The following PLCE1 variants were observed in gnomAD, a reference collection of about 807,000 sequenced individuals.
PLCE1 encodes 1-phosphatidylinositol 4,5-bisphosphate phosphodiesterase epsilon-1.
Under a neutral mutation model 242.8 loss-of-function variants are expected in PLCE1, and 119 were observed. That is an observed-to-expected ratio of 0.49 (90% CI 0.42 to 0.57). PLCE1 has a LOEUF of 0.57. Ranked by LOEUF, PLCE1 falls within the 20% of genes least tolerant of loss-of-function variation. The pLI, the probability that PLCE1 is intolerant of heterozygous loss-of-function variation, is 0.00. For synonymous variants in PLCE1, 945 were observed against 1,017.4 expected (o/e 0.93, Z 1.35); for missense variants, 2,441 against 2,788.8 (o/e 0.88, Z 2.81).
intron 16 of PLCE1, 78 bp downstream of exon 16, chr10:94,266,036 AC>A: frequency 7.4e-7 from 1 of 1,343,818 alleles, no homozygotes; most frequent in Non-Finnish European, 1.1e-6. Flanking sequence ...AAAAAACCTG[AC>A]CCCAGACTCC....
chr10:94,194,631 C>A (rs1298766140), intron 4 of PLCE1, among the ~76,000 whole-genome samples: 1 of 152,182 alleles, frequency 6.6e-6, no homozygotes, highest in Non-Finnish European at 1.5e-5. Context: ...CCAAGGCTCA[C>A]CACTTACTTT....
At position 94,246,174 on chromosome 10, in the gene PLCE1, G is replaced by C; in HGVS notation, c.2649G>C (p.Gln883His). 1 of 1,614,052 alleles carries C rather than the reference G, an allele frequency of 6.2e-7. No homozygotes were observed. The highest frequency in any genetic ancestry group is 8.5e-7 in the Non-Finnish European group (1 of 1,179,988). ...DTHLSARCFL[Q>H]LQPDNSTLTW... Reference sequence around the variant, plus strand: ...ACCTCTCTGCCCGCTGCTTCCTCCAGCTTCAGCCCGACAATAGCACCTTGA... The same window carrying C: ...ACCTCTCTGCCCGCTGCTTCCTCCACCTTCAGCCCGACAATAGCACCTTGA... Residue 883 changes from glutamine to histidine, a missense_variant, in exon 8 of 33, where the codon CAG becomes CAC. Physicochemically the swap from Gln to His is conservative, Grantham distance 24 (BLOSUM62 0). Transcript: ENST00000371380.
chr10:94,174,230 T>C (rs776931467), intron 4 of PLCE1, among the ~76,000 whole-genome samples: 1 of 152,164 alleles, frequency 6.6e-6, no homozygotes, highest in Non-Finnish European at 1.5e-5. Context: ...TTATGGCCCA[T>C]AGAGTAAAAT....
At chr10:94,103,155 A>C (rs1001020319) in intron 2 of PLCE1, among the ~76,000 whole-genome samples, 5 of 152,244 alleles carry the variant, frequency 3.3e-5, no homozygotes, top group Admixed American at 6.5e-5. Flanking sequence ...GCTGACTGTC[A>C]GGTGTCATGC....
At chr10:94,300,254 A>C (rs1418881560) in intron 24 of PLCE1, among the ~76,000 whole-genome samples, 19 of 152,210 alleles carry the variant, frequency 1.2e-4, no homozygotes, top group Admixed American at 1.2e-3. Context: ...CAACAGGTGA[A>C]GGGGACACAG....
chr10:94,317,950 T>G (rs1432124912), intron 29 of PLCE1, among the ~76,000 whole-genome samples: 1 of 152,170 alleles, frequency 6.6e-6, no homozygotes, highest in Non-Finnish European at 1.5e-5. Flanking sequence ...TAATAGTGCT[T>G]GCCTGATAGA....
chr10:94,325,299 TAAAGAA>T, intron 32 of PLCE1, 195 bp downstream of exon 32: 2 of 539,256 alleles, frequency 3.7e-6, no homozygotes, highest in Non-Finnish European at 6.7e-6. Context: ...ACACCGCCTA[TAAAGAA>T]AAAGGGAAAG....
chr10:94,193,405 T>A (rs1042796426), intron 4 of PLCE1, among the ~76,000 whole-genome samples: 1 of 152,096 alleles, frequency 6.6e-6, no homozygotes, highest in Admixed American at 6.6e-5. Flanking sequence ...GGGGAGATAT[T>A]TTGGGGGATA....
intron 2 of PLCE1, among the ~76,000 whole-genome samples, chr10:94,127,076 A>G (rs954668338): frequency 1.3e-5 from 2 of 152,226 alleles, no homozygotes; most frequent in African/African-American, 4.8e-5. Context: ...CATCTACAAA[A>G]TGAATCAACT....
chr10:94,079,193 T>C (rs1006982396), intron 2 of PLCE1, among the ~76,000 whole-genome samples: 7 of 152,136 alleles, frequency 4.6e-5, no homozygotes, highest in African/African-American at 1.7e-4. Flanking sequence ...AATAGGAAAA[T>C]GTCACTTGAG....
chr10:94,063,851 A>G (rs768440960), intron 2 of PLCE1, among the ~76,000 whole-genome samples: 1 of 152,156 alleles, frequency 6.6e-6, no homozygotes, highest in African/African-American at 2.4e-5. Flanking sequence ...GGCAATAGTA[A>G]TTAGTTAAAG....
intron 5 of PLCE1, among the ~76,000 whole-genome samples, chr10:94,228,481 T>C (rs2050023433): frequency 6.6e-6 from 1 of 152,186 alleles, no homozygotes; most frequent in Admixed American, 6.5e-5. Flanking sequence ...TAATATAGTA[T>C]TTGACACATG....
chr10:94,132,689 A>G (rs564774290), intron 3 of PLCE1, among the ~76,000 whole-genome samples: 25 of 151,656 alleles, frequency 1.6e-4, no homozygotes, highest in African/African-American at 4.6e-4. Context: ...GGTGGCTCAC[A>G]CCTGTAATCC....
chr10:94,040,410 C>T (rs1052007970), intron 2 of PLCE1, among the ~76,000 whole-genome samples: 39 of 152,068 alleles, frequency 2.6e-4, no homozygotes, highest in African/African-American at 8.0e-4. Context: ...AGAGCAGTGG[C>T]TGGGAATGAG....
intron 2 of PLCE1, among the ~76,000 whole-genome samples, chr10:94,123,014 G>A (rs1320630609): frequency 1.3e-5 from 2 of 152,204 alleles, no homozygotes; most frequent in Admixed American, 6.5e-5. Flanking sequence ...GCAGTGCCCT[G>A]TGCTGGGGAC....
At position 94,324,412 on chromosome 10, in the gene PLCE1, C is replaced by CT; in HGVS notation, c.6569dup (p.Leu2190PhefsTer45). 1 of 1,614,148 alleles carries CT rather than the reference C, an allele frequency of 6.2e-7. No homozygotes were observed. The highest frequency in any genetic ancestry group is 8.5e-7 in the Non-Finnish European group (1 of 1,180,040). ...CAACCCCAATCCAAGCGACTATGTG[C>CT]TTTTGGAAGAGGTGGTGAAAGACAC... is the stretch of plus-strand genomic sequence containing the variant. On this transcript the variant is annotated frameshift_variant, in exon 31 of 33. Coordinates refer to ENST00000371380, the MANE Select transcript of PLCE1 (RefSeq NM_016341.4). LOFTEE classifies it high-confidence loss of function.
intron 4 of PLCE1, among the ~76,000 whole-genome samples, chr10:94,213,336 T>C (rs186023252): frequency 6.6e-6 from 1 of 152,350 alleles, no homozygotes; most frequent in Admixed American, 6.5e-5. Flanking sequence ...GCCAATGTCA[T>C]GTGATGTGGT....
At chr10:94,290,669 CAT>C (rs58538504) in intron 22 of PLCE1, among the ~76,000 whole-genome samples, 4 of 148,742 alleles carry the variant, frequency 2.7e-5, no homozygotes, top group Non-Finnish European at 3.0e-5. Context: ...TTACAGTTAA[CAT>C]ATATATATAT....
chr10:94,159,663 A>C (rs910112831), intron 3 of PLCE1, among the ~76,000 whole-genome samples: 1 of 152,212 alleles, frequency 6.6e-6, no homozygotes, highest in Non-Finnish European at 1.5e-5. Context: ...ACATGTGCAC[A>C]ACATGCAGGT....
Sources: gnomAD v4.1 joint callset for allele counts (sites outside exome capture counted in the v4.1 genomes callset) on GRCh38, gnomAD v4.1.1 for gene constraint, MANE v1.5 for transcripts, NCBI Gene and HGNC (gene_info 2026-07-23, HGNC 2026-07-21) for gene names.